The following UGGT1 variants were observed in gnomAD, a reference collection of about 807,000 sequenced individuals.
The protein encoded by UGGT1 is UDP-glucose glycoprotein glucosyltransferase 1, also known as UDP-glucose:glycoprotein glucosyltransferase 1.
Under a neutral mutation model 203.9 loss-of-function variants are expected in UGGT1, and 107 were observed. That is an observed-to-expected ratio of 0.52 (90% CI 0.45 to 0.62). UGGT1 has a LOEUF of 0.62. Among genes scored for constraint, UGGT1 ranks in the 20% least tolerant of loss-of-function variants. The pLI is 0.00. For synonymous variants in UGGT1, 628 were observed against 653.5 expected (o/e 0.96, Z 0.59); for missense variants, 1,673 against 1,867.2 (o/e 0.90, Z 1.92).
chr2:128,170,177 C>G, intron 26 of UGGT1, 111 bp from the exon 27 acceptor site: 1 of 821,746 alleles, frequency 1.2e-6, no homozygotes, highest in South Asian at 1.6e-5. Flanking sequence ...TCTAGTCTTT[C>G]TAGATCTAAA....
At chr2:128,138,901 T>G (rs1282608720) in intron 16 of UGGT1, 49 bp downstream of exon 16, 2 of 1,607,852 alleles carry the variant, frequency 1.2e-6, no homozygotes, top group Non-Finnish European at 1.7e-6. Context: ...TCTAACTTAC[T>G]CTTAATAACA....
intron 26 of UGGT1, among the ~76,000 whole-genome samples, chr2:128,165,534 C>T (rs769617757): frequency 1.8e-4 from 27 of 151,954 alleles, no homozygotes; most frequent in Non-Finnish European, 3.4e-4. Flanking sequence ...CCCATCTCTA[C>T]AAAAATACAA....
At chr2:128,181,107 A>G (rs201467609) in intron 36 of UGGT1, 35 bp downstream of exon 36, 17 of 1,567,248 alleles carry the variant, frequency 1.1e-5, no homozygotes, top group Non-Finnish European at 1.5e-5. Context: ...GACAGTTTGT[A>G]TTAAAAGCAA....
intron 29 of UGGT1, among the ~76,000 whole-genome samples, 187 bp from the exon 30 acceptor site, chr2:128,173,594 C>T (rs1573616467): frequency 6.6e-6 from 1 of 152,192 alleles, no homozygotes. Context: ...AGCCTCCTCT[C>T]GCCTGGTTTC....
At chr2:128,176,980 C>G (rs1691427598) in intron 32 of UGGT1, 82 bp downstream of exon 32, 1 of 1,378,796 alleles carries the variant, frequency 7.3e-7, no homozygotes. Flanking sequence ...GCCCAAGAGT[C>G]TCTTTGGAAT....
At chr2:128,117,726 T>A (rs1382127285) in intron 8 of UGGT1, among the ~76,000 whole-genome samples, 2 of 151,942 alleles carry the variant, frequency 1.3e-5, no homozygotes, top group Non-Finnish European at 2.9e-5. Context: ...TGTATTTTTT[T>A]TTTTAGTAGA....
rs766464651 is a variant in UGGT1 at position 128,189,678 on chromosome 2, A to G, written c.4643-39A>G. ...ACTCAGTGGTGTTTGTAATTTGAAG[A>G]TCATCTGTTTTCTTTTCTGTGGTTC... On this transcript the variant is annotated intron_variant, in intron 40 of 40. Coordinates refer to ENST00000259253, the MANE Select transcript of UGGT1 (RefSeq NM_020120.4). The G allele has an allele frequency of 7.4e-5, 118 of 1,600,852 alleles. 1 individual carries two copies. The South Asian group carries it at 1.3e-3, about 18-fold the overall frequency.
At chr2:128,183,853 A>T in intron 38 of UGGT1, 64 bp downstream of exon 38, 1 of 1,314,296 alleles carries the variant, frequency 7.6e-7, no homozygotes. Flanking sequence ...TCAGAAAATG[A>T]AGTATTACTT....
chr2:128,123,098 A>T (rs1378554052), intron 10 of UGGT1, 88 bp from the exon 11 acceptor site: 1 of 1,004,214 alleles, frequency 1.0e-6, no homozygotes, highest in Non-Finnish European at 1.4e-6. Flanking sequence ...AATTTATTGA[A>T]TAATGTGTTT....
At chr2:128,129,306 T>G in intron 13 of UGGT1, 127 bp downstream of exon 13, 2 of 1,152,764 alleles carry the variant, frequency 1.7e-6, no homozygotes, top group Non-Finnish European at 2.4e-6. Context: ...AGATTTATAA[T>G]TGCTTATATG....
chr2:128,116,149 C>A, intron 7 of UGGT1, 116 bp from the exon 8 acceptor site: 1 of 623,360 alleles, frequency 1.6e-6, no homozygotes, highest in Non-Finnish European at 2.7e-6. Flanking sequence ...GGTATAATTT[C>A]AGGGGTTTCT....
chr2:128,132,556 A>G (rs1447719162), intron 13 of UGGT1, among the ~76,000 whole-genome samples: 1 of 152,150 alleles, frequency 6.6e-6, no homozygotes, highest in African/African-American at 2.4e-5. Context: ...AAAAACAAAA[A>G]CAAACAAACA....
intron 2 of UGGT1, chr2:128,103,090 A>G (rs773877621): frequency 1.3e-5 from 6 of 470,988 alleles, no homozygotes; most frequent in South Asian, 4.6e-5. Context: ...TGTGGAGTAG[A>G]GTGAGATTGT....
intron 31 of UGGT1, among the ~76,000 whole-genome samples, chr2:128,175,195 C>A (rs565274287): frequency 2.6e-5 from 4 of 152,084 alleles, no homozygotes; most frequent in Non-Finnish European, 5.9e-5. Context: ...AAAGAAAGAA[C>A]AGCCACACTT....
chr2:128,152,561 C>T (rs186718455), intron 18 of UGGT1, among the ~76,000 whole-genome samples: 18 of 152,306 alleles, frequency 1.2e-4, no homozygotes, highest in African/African-American at 3.1e-4. Context: ...TGAATGTCAA[C>T]AATATCTGCC....
chr2:128,183,876 C>T (rs1001043674), intron 38 of UGGT1, 87 bp downstream of exon 38: 3 of 972,282 alleles, frequency 3.1e-6, no homozygotes, highest in African/African-American at 3.2e-5. Flanking sequence ...GTCTTCAGTC[C>T]TCTCCTCACA....
At chr2:128,182,084 A>T in intron 36 of UGGT1, 46 bp from the exon 37 acceptor site, 7 of 1,593,134 alleles carry the variant, frequency 4.4e-6, no homozygotes, top group Non-Finnish European at 6.0e-6. Flanking sequence ...ACCGCATTAG[A>T]GCTGTCTGCA....
intron 31 of UGGT1, 43 bp downstream of exon 31, chr2:128,174,901 A>C (rs1271261620): frequency 1.9e-6 from 3 of 1,550,630 alleles, no homozygotes; most frequent in Non-Finnish European, 2.6e-6. Context: ...GAACTTTTAG[A>C]AATGAGCATT....
At chr2:128,165,658 T>C (rs1262401488) in intron 26 of UGGT1, among the ~76,000 whole-genome samples, 2 of 152,076 alleles carry the variant, frequency 1.3e-5, no homozygotes, top group Non-Finnish European at 2.9e-5. Flanking sequence ...GATCGTGCCA[T>C]TGCACTCCAG....
Sources: gnomAD v4.1 joint callset for allele counts (sites outside exome capture counted in the v4.1 genomes callset) on GRCh38, gnomAD v4.1.1 for gene constraint, MANE v1.5 for transcripts, NCBI Gene and HGNC (gene_info 2026-07-23, HGNC 2026-07-21) for gene names.